Variants in ANKRD45 observed in about 807,000 individuals in gnomAD.
ANKRD45 encodes the protein ankyrin repeat domain 45.
Under a neutral mutation model 28.1 loss-of-function variants are expected in ANKRD45, and 21 were observed. That is an observed-to-expected ratio of 0.75 (90% CI 0.53 to 1.08). The LOEUF is 1.08. Ranked by LOEUF, ANKRD45 falls within the 50% of genes least tolerant of loss-of-function variation. The pLI, the probability that ANKRD45 is intolerant of heterozygous loss-of-function variation, is 0.00. For missense variants in ANKRD45, 261 were observed against 308.7 expected (o/e 0.85, Z 1.16); for synonymous variants, 86 against 103.9 (o/e 0.83, Z 1.05).
the ANKRD45 span, among the ~76,000 whole-genome samples, chr1:173,703,353 G>A: frequency 6.6e-6 from 1 of 151,906 alleles, no homozygotes; most frequent in East Asian, 1.9e-4. Flanking sequence ...ACAGGCGCCT[G>A]CCACCACACC....
rs142022432 is a variant in ANKRD45, at chr1:173,627,080, G to A, written c.576C>T (p.Leu192=). Residue 192 remains leucine, a synonymous_variant, in exon 4 of 6, where the codon CTC becomes CTT. Coordinates refer to ENST00000333279, the MANE Select transcript of ANKRD45 (RefSeq NM_198493.3). ...AATACAGTACCTTGTCTTCCTTAAG[G>A]AGTTTCCCTGATCCCTTTTCTGTGT... ...VTDTEKGSGK[L]LKEDKNTILS... is the part of the protein sequence containing the mutation. 12 of 1,608,358 alleles carry A rather than the reference G, an allele frequency of 7.5e-6. No homozygotes were observed. In the African/African-American group the frequency reaches 1.4e-4, roughly 18 times the overall value.
At chr1:173,666,953 C>T (rs553430095) in intron 1 of ANKRD45, among the ~76,000 whole-genome samples, 18 of 152,214 alleles carry the variant, frequency 1.2e-4, no homozygotes, top group Middle Eastern at 3.4e-3. Flanking sequence ...GGGGGTCTGG[C>T]TATGTTGCCC....
At chr1:173,675,372 G>A in the ANKRD45 span, 2 of 304,360 alleles carry the variant, frequency 6.6e-6, no homozygotes, top group South Asian at 5.0e-5. Context: ...CAGCACTTTG[G>A]GAGGCCGAGG....
At chr1:173,634,076 A>G (rs978484450) in intron 3 of ANKRD45, among the ~76,000 whole-genome samples, 3 of 151,904 alleles carry the variant, frequency 2.0e-5, no homozygotes, top group Middle Eastern at 3.2e-3. Flanking sequence ...AAAACTACTC[A>G]TATGACAAGG....
intron 1 of ANKRD45, among the ~76,000 whole-genome samples, chr1:173,660,782 GCTTGGAAGTAGAT>G (rs1172437480): frequency 6.6e-6 from 1 of 152,168 alleles, no homozygotes; most frequent in African/African-American, 2.4e-5. Flanking sequence ...CACTGAGTGA[GCTTGGAAGTAGAT>G]CTGGCCCAGT....
chr1:173,696,675 C>G, the ANKRD45 span, among the ~76,000 whole-genome samples: 1 of 152,108 alleles, frequency 6.6e-6, no homozygotes, highest in East Asian at 1.9e-4. Flanking sequence ...GTTACTGTAG[C>G]CTTGTAGTAT....
At chr1:173,687,986 CTT>C in the ANKRD45 span, among the ~76,000 whole-genome samples, 783 of 128,474 alleles carry the variant, frequency 6.1e-3, 6 homozygotes, top group African/African-American at 0.018. Context: ...AATGTTGAAT[CTT>C]TTTTTTTTTT....
intron 3 of ANKRD45, among the ~76,000 whole-genome samples, chr1:173,642,498 C>T (rs1332742889): frequency 1.3e-5 from 2 of 152,150 alleles, no homozygotes; most frequent in Admixed American, 1.3e-4. Flanking sequence ...GACATTCCTC[C>T]CAGTCTACTT....
At chr1:173,612,279 G>GGAAGGAAA (rs1246173859) in intron 5 of ANKRD45, among the ~76,000 whole-genome samples, 6 of 114,036 alleles carry the variant, frequency 5.3e-5, no homozygotes, top group Admixed American at 2.6e-4. Context: ...GAGAGAGGGA[G>GGAAGGAAA]GAAGGAAAGA....
chr1:173,638,993 G>A (rs1489501165), intron 3 of ANKRD45, among the ~76,000 whole-genome samples: 1 of 152,170 alleles, frequency 6.6e-6, no homozygotes. Context: ...TAGGTATTCA[G>A]TAATTGATGG....
chr1:173,715,172 A>G, the ANKRD45 span: 43 of 152,472 alleles, frequency 2.8e-4, no homozygotes, highest in South Asian at 6.2e-4. Flanking sequence ...GAGCTGCCCC[A>G]TGGGGTCAGG....
At chr1:173,682,057 A>G in the ANKRD45 span, among the ~76,000 whole-genome samples, 1 of 152,172 alleles carries the variant, frequency 6.6e-6, no homozygotes, top group Admixed American at 6.5e-5. Flanking sequence ...TCAAAAAAAA[A>G]AAAAAAATGG....
chr1:173,637,509 T>G (rs1668501990), intron 3 of ANKRD45, among the ~76,000 whole-genome samples: 1 of 152,194 alleles, frequency 6.6e-6, no homozygotes, highest in African/African-American at 2.4e-5. Flanking sequence ...TATTTGTAAG[T>G]GTTTTTGCCT....
At chr1:173,681,006 A>G in the ANKRD45 span, among the ~76,000 whole-genome samples, 3 of 151,950 alleles carry the variant, frequency 2.0e-5, no homozygotes, top group Admixed American at 2.0e-4. Context: ...GGGAAGGGAT[A>G]GCATTAGGAG....
chr1:173,708,940 T>G, the ANKRD45 span, among the ~76,000 whole-genome samples: 1 of 152,216 alleles, frequency 6.6e-6, no homozygotes, highest in Admixed American at 6.5e-5. Context: ...CACCCTAGAA[T>G]TCTATAGCAG....
At chr1:173,644,602 A>G (rs1156442062) in intron 3 of ANKRD45, among the ~76,000 whole-genome samples, 1 of 152,212 alleles carries the variant, frequency 6.6e-6, no homozygotes, top group East Asian at 1.9e-4. Flanking sequence ...CCTCACATCC[A>G]TAAGCCCCAA....
At chr1:173,619,653 C>G (rs896017745) in intron 5 of ANKRD45, among the ~76,000 whole-genome samples, 1 of 151,994 alleles carries the variant, frequency 6.6e-6, no homozygotes, top group Non-Finnish European at 1.5e-5. Flanking sequence ...CATAGTGAAA[C>G]CCAGTCTCTA....
chr1:173,614,381 G>A (rs1369954633), intron 5 of ANKRD45, among the ~76,000 whole-genome samples: 1 of 152,118 alleles, frequency 6.6e-6, no homozygotes, highest in Non-Finnish European at 1.5e-5. Context: ...CCTAAATTTT[G>A]TATAACTATC....
At chr1:173,641,378 T>C (rs1668693099) in intron 3 of ANKRD45, among the ~76,000 whole-genome samples, 1 of 152,188 alleles carries the variant, frequency 6.6e-6, no homozygotes, top group Admixed American at 6.5e-5. Context: ...TAATCCATCA[T>C]GCCAAGCTCT....
Sources: gnomAD v4.1 joint callset for allele counts (sites outside exome capture counted in the v4.1 genomes callset) on GRCh38, gnomAD v4.1.1 for gene constraint, MANE v1.5 for transcripts, NCBI Gene and HGNC (gene_info 2026-07-23, HGNC 2026-07-21) for gene names.